Variants in DCLK1 observed in about 807,000 individuals in gnomAD.
DCLK1 encodes doublecortin like kinase 1, also known as serine/threonine-protein kinase DCLK1.
DCLK1 carries 16 observed loss-of-function variants against 86.2 expected under a neutral mutation model. The observed-to-expected ratio is 0.19, with a 90% confidence interval of 0.13 to 0.28. DCLK1 has a LOEUF of 0.28. DCLK1 is among the 10% of genes least tolerant of loss of function. The pLI is 1.00. For missense variants in DCLK1, 590 were observed against 940.2 expected (o/e 0.63, Z 4.87); for synonymous variants, 369 against 370.5 (o/e 1.00, Z 0.05).
chr13:36,094,741 T>A (rs1026355926), intron 3 of DCLK1, among the ~76,000 whole-genome samples: 4 of 152,198 alleles, frequency 2.6e-5, no homozygotes, highest in Non-Finnish European at 4.4e-5. Context: ...GACAAAATGA[T>A]GAAGAGCCCT....
chr13:36,092,523 G>C (rs1593882808), intron 3 of DCLK1, among the ~76,000 whole-genome samples: 1 of 105,434 alleles, frequency 9.5e-6, no homozygotes, highest in South Asian at 3.4e-4. Context: ...GTCTCACTCT[G>C]TCGCCCAGGC....
At chr13:36,085,319 A>C (rs1884553328) in intron 3 of DCLK1, among the ~76,000 whole-genome samples, 1 of 152,198 alleles carries the variant, frequency 6.6e-6, no homozygotes. Context: ...TCTTTCTCAG[A>C]GGTAACATCT....
chr13:35,864,126 C>A (rs936060138), intron 5 of DCLK1, among the ~76,000 whole-genome samples: 2 of 152,168 alleles, frequency 1.3e-5, no homozygotes, highest in African/African-American at 4.8e-5. Context: ...ATGAATGTTT[C>A]TACTCTATAA....
At chr13:35,803,648 C>G (rs1214816592) in intron 15 of DCLK1, among the ~76,000 whole-genome samples, 1 of 152,190 alleles carries the variant, frequency 6.6e-6, no homozygotes, top group Non-Finnish European at 1.5e-5. Context: ...CTTGTCCCCC[C>G]ATATGTAGTC....
At chr13:36,056,904 A>AT (rs1370008774) in intron 3 of DCLK1, among the ~76,000 whole-genome samples, 7 of 127,458 alleles carry the variant, frequency 5.5e-5, no homozygotes, top group African/African-American at 1.9e-4. Flanking sequence ...AAAAAAAAAA[A>AT]AAATATATAT....
chr13:35,824,769 C>CTA (rs1390528678), intron 10 of DCLK1, among the ~76,000 whole-genome samples: 1 of 152,234 alleles, frequency 6.6e-6, no homozygotes, highest in Admixed American at 6.5e-5. Context: ...AGGAGGCTTT[C>CTA]TATATTCTGC....
At chr13:35,775,094 C>T (rs1239831010) in intron 16 of DCLK1, among the ~76,000 whole-genome samples, 1 of 152,186 alleles carries the variant, frequency 6.6e-6, no homozygotes, top group African/African-American at 2.4e-5. Context: ...CTTCAATTAA[C>T]ATGCAGCTCA....
chr13:35,794,012 C>G (rs2086756776), intron 15 of DCLK1, among the ~76,000 whole-genome samples: 1 of 152,164 alleles, frequency 6.6e-6, no homozygotes, highest in East Asian at 1.9e-4. Context: ...AAAGATCTTC[C>G]TTAAATTTTA....
At chr13:35,900,530 C>T (rs993454088) in intron 4 of DCLK1, among the ~76,000 whole-genome samples, 2 of 152,176 alleles carry the variant, frequency 1.3e-5, no homozygotes, top group Non-Finnish European at 2.9e-5. Flanking sequence ...CAGGCATGAG[C>T]CACCATGCTG....
intron 3 of DCLK1, among the ~76,000 whole-genome samples, chr13:36,049,469 C>G (rs1883051906): frequency 6.6e-6 from 1 of 152,166 alleles, no homozygotes; most frequent in Non-Finnish European, 1.5e-5. Flanking sequence ...CTTTCCCATT[C>G]TTTGTCCATT....
At chr13:35,846,525 T>A in intron 6 of DCLK1, 3 of 985,268 alleles carry the variant, frequency 3.0e-6, no homozygotes, top group East Asian at 1.1e-4. Context: ...ACATCATATG[T>A]CATGCACCCT....
chr13:35,800,542 C>T (rs1044640919), intron 15 of DCLK1, among the ~76,000 whole-genome samples: 3 of 152,078 alleles, frequency 2.0e-5, no homozygotes, highest in African/African-American at 7.2e-5. Context: ...GGCAAGAATA[C>T]GGCAGAGCAT....
intron 3 of DCLK1, among the ~76,000 whole-genome samples, chr13:36,028,258 A>G (rs183380467): frequency 3.7e-4 from 57 of 152,344 alleles, no homozygotes; most frequent in African/African-American, 1.3e-3. Context: ...CTAAAATCCA[A>G]CTGCATAGTG....
At chr13:35,910,123 CAAG>C (rs1874927321) in intron 4 of DCLK1, among the ~76,000 whole-genome samples, 1 of 152,170 alleles carries the variant, frequency 6.6e-6, no homozygotes, top group Non-Finnish European at 1.5e-5. Context: ...TTGAATTTAT[CAAG>C]GAGACAAAAC....
rs953732032 is a variant in DCLK1, at chr13:36,120,055, A to C, written c.376+5707T>G. ...AAATAGCCTGGGGGAAGAAAAGGTT[A>C]AACTGAATCCCTGTCTCACATATTA... On this transcript the variant is annotated intron_variant, in intron 2 of 16. Coordinates refer to ENST00000360631, the MANE Select transcript of DCLK1 (RefSeq NM_001330071.2). 2.0e-5 allele frequency among the ~76,000 whole-genome samples: 3 copies of C among 152,182 alleles called. No homozygotes were observed. In the East Asian group the frequency reaches 5.8e-4, roughly 29 times the overall value.
chr13:35,877,382 C>T (rs1015269416), intron 4 of DCLK1, among the ~76,000 whole-genome samples: 1 of 152,154 alleles, frequency 6.6e-6, no homozygotes, highest in Admixed American at 6.5e-5. Flanking sequence ...AGAATAGAAA[C>T]GGTTGCAGAA....
At chr13:36,101,739 T>C (rs922806383) in intron 3 of DCLK1, among the ~76,000 whole-genome samples, 3 of 151,418 alleles carry the variant, frequency 2.0e-5, no homozygotes, top group African/African-American at 4.9e-5. Context: ...TTTATTTATT[T>C]AATTTTTTTT....
chr13:36,097,226 A>T (rs1266418700), intron 3 of DCLK1, among the ~76,000 whole-genome samples: 1 of 151,924 alleles, frequency 6.6e-6, no homozygotes, highest in African/African-American at 2.4e-5. Flanking sequence ...TAGGGGTGGG[A>T]GCCCAGATTG....
chr13:36,082,422 T>C (rs904530247), intron 3 of DCLK1, among the ~76,000 whole-genome samples: 3 of 152,214 alleles, frequency 2.0e-5, no homozygotes, highest in Non-Finnish European at 2.9e-5. Flanking sequence ...TGGTCAACAG[T>C]AGGCTATTAG....
Sources: gnomAD v4.1 joint callset for allele counts (sites outside exome capture counted in the v4.1 genomes callset) on GRCh38, gnomAD v4.1.1 for gene constraint, MANE v1.5 for transcripts, NCBI Gene and HGNC (gene_info 2026-07-23, HGNC 2026-07-21) for gene names.